The following CC2D2A variants were observed in gnomAD, a reference collection of about 807,000 sequenced individuals.
CC2D2A encodes the protein coiled-coil and C2 domain containing 2A.
CC2D2A carries 155 observed loss-of-function variants against 212.9 expected under a neutral mutation model. That is an observed-to-expected ratio of 0.73 (90% CI 0.64 to 0.83). The LOEUF is 0.83. Among genes scored for constraint, CC2D2A ranks in the 40% least tolerant of loss-of-function variants. The pLI is 0.00. For missense variants in CC2D2A, 1,856 were observed against 1,956.2 expected (o/e 0.95, Z 0.97); for synonymous variants, 667 against 686.5 (o/e 0.97, Z 0.44).
chr4:15,494,224 C>T (rs1189946974), intron 4 of CC2D2A, among the ~76,000 whole-genome samples: 2 of 152,196 alleles, frequency 1.3e-5, no homozygotes, highest in Non-Finnish European at 2.9e-5. Context: ...GGCTGATGAT[C>T]CCCAAGCCTG....
chr4:15,483,566 A>T (rs1714820154), intron 4 of CC2D2A, among the ~76,000 whole-genome samples: 1 of 152,192 alleles, frequency 6.6e-6, no homozygotes, highest in Non-Finnish European at 1.5e-5. Context: ...GGAGTGTCAA[A>T]GAATGTATGG....
chr4:15,491,459 C>T (rs1695498109), intron 4 of CC2D2A, among the ~76,000 whole-genome samples: 1 of 152,188 alleles, frequency 6.6e-6, no homozygotes, highest in Non-Finnish European at 1.5e-5. Flanking sequence ...GGCTGGAGTG[C>T]AGTGGTGCAA....
intron 4 of CC2D2A, among the ~76,000 whole-genome samples, chr4:15,494,421 C>G (rs1007077119): frequency 1.3e-5 from 2 of 152,160 alleles, no homozygotes; most frequent in Non-Finnish European, 2.9e-5. Context: ...AGATAGTGAC[C>G]AGAGAAGTCC....
rs556121535 is a variant in CC2D2A at position 15,590,475 on chromosome 4, A to G, written c.4314+796A>G. 2.0e-5 allele frequency among the ~76,000 whole-genome samples: 3 copies of G among 152,322 alleles called. No homozygotes were observed. The East Asian group carries it at 5.8e-4, about 29-fold the overall frequency. On this transcript the variant is annotated intron_variant, in intron 33 of 36. Coordinates refer to ENST00000424120, the MANE Select transcript of CC2D2A (RefSeq NM_001378615.1). ...GGTTGCAACGAGCTGAGATGGAGCCACTGCATTCCATCCTGGGCAACAGAG... is the reference window on the plus strand; with the variant it reads ...GGTTGCAACGAGCTGAGATGGAGCCGCTGCATTCCATCCTGGGCAACAGAG...
chr4:15,489,357 C>T (rs1560146860), intron 4 of CC2D2A, among the ~76,000 whole-genome samples: 1 of 152,154 alleles, frequency 6.6e-6, no homozygotes, highest in East Asian at 1.9e-4. Context: ...TTAGTGCCCA[C>T]CAGCTGGAGA....
chr4:15,551,523 C>T (rs995624967), intron 18 of CC2D2A, among the ~76,000 whole-genome samples: 2 of 152,120 alleles, frequency 1.3e-5, no homozygotes, highest in African/African-American at 4.8e-5. Context: ...AATTTGTCCT[C>T]CAAGCCATGA....
chr4:15,495,831 C>T (rs1715585125), intron 4 of CC2D2A, among the ~76,000 whole-genome samples: 1 of 152,208 alleles, frequency 6.6e-6, no homozygotes, highest in South Asian at 2.1e-4. Flanking sequence ...AGTGGCGGAA[C>T]TAATTTGCAT....
chr4:15,559,552 C>T (rs539477247), intron 22 of CC2D2A, among the ~76,000 whole-genome samples: 38 of 152,140 alleles, frequency 2.5e-4, no homozygotes, highest in African/African-American at 8.4e-4. Context: ...TGTTGCATTG[C>T]GTTACAATGA....
chr4:15,566,986 T>C (rs574020037), intron 24 of CC2D2A, among the ~76,000 whole-genome samples: 1 of 151,580 alleles, frequency 6.6e-6, no homozygotes, highest in South Asian at 2.1e-4. Flanking sequence ...AAAATTTTTT[T>C]AAAAATAAAA....
At position 15,553,021 on chromosome 4, in the gene CC2D2A, C is replaced by A. The variant is rs190191104; in HGVS notation, c.2339-137C>A. On this transcript the variant is annotated intron_variant, in intron 18 of 36. Coordinates refer to ENST00000424120, the MANE Select transcript of CC2D2A (RefSeq NM_001378615.1). ...CATCACCTGAAGAAATTCAGTGACACTGGCTTGAATCATGTGCTCCATCTT... is the reference window on the plus strand; with the variant it reads ...CATCACCTGAAGAAATTCAGTGACAATGGCTTGAATCATGTGCTCCATCTT... 2.8e-5 allele frequency: 18 copies of A among 654,272 alleles called. No individual in the cohort carries two copies. In the Admixed American group the frequency reaches 6.4e-4, roughly 23 times the overall value. The allele number at this position is 654,272 out of a possible 1,614,324, so 40.5% of individuals were successfully genotyped here.
intron 6 of CC2D2A, among the ~76,000 whole-genome samples, chr4:15,505,571 G>T (rs2109001433): frequency 6.6e-6 from 1 of 152,280 alleles, no homozygotes. Context: ...AGCCAGTGGG[G>T]ATATAGGGGG....
intron 1 of CC2D2A, chr4:15,473,348 G>A (rs1156262210): frequency 6.6e-6 from 1 of 152,182 alleles, no homozygotes; most frequent in Admixed American, 6.5e-5. Context: ...GGAGATCATT[G>A]TATTACGAAT....
At chr4:15,595,953 ACAAAATGTATG>A (rs1324363720) in intron 33 of CC2D2A, 121 bp from the exon 34 acceptor site, 20 of 531,954 alleles carry the variant, frequency 3.8e-5, no homozygotes, top group Non-Finnish European at 5.7e-5. Flanking sequence ...TCAAAAAATG[ACAAAATGTATG>A]CGGCCTATAT....
intron 14 of CC2D2A, among the ~76,000 whole-genome samples, chr4:15,534,193 G>A (rs1718000715): frequency 6.6e-6 from 1 of 152,010 alleles, no homozygotes; most frequent in Admixed American, 6.6e-5. Context: ...ATCTTTTTTG[G>A]TAATTTGTAG....
chr4:15,491,132 T>C (rs1203626162), intron 4 of CC2D2A, among the ~76,000 whole-genome samples: 1 of 152,218 alleles, frequency 6.6e-6, no homozygotes, highest in Non-Finnish European at 1.5e-5. Context: ...CTCTGAGTCA[T>C]ATGATAAACT....
chr4:15,559,823 T>C (rs1174248994), intron 22 of CC2D2A, among the ~76,000 whole-genome samples: 1 of 152,012 alleles, frequency 6.6e-6, no homozygotes, highest in East Asian at 1.9e-4. Context: ...TATTTATTTA[T>C]TTATTTTTAT....
At chr4:15,549,321 C>A (rs1157301919) in intron 17 of CC2D2A, among the ~76,000 whole-genome samples, 1 of 152,174 alleles carries the variant, frequency 6.6e-6, no homozygotes, top group Non-Finnish European at 1.5e-5. Context: ...CACTTACGGG[C>A]TTCCTGCTGA....
chr4:15,492,761 C>T, intron 4 of CC2D2A: 13 of 797,028 alleles, frequency 1.6e-5, no homozygotes, highest in Non-Finnish European at 2.7e-5. Flanking sequence ...AGGTCCACCA[C>T]TCTATTGCTA....
At chr4:15,477,769 G>C (rs1577307660) in intron 2 of CC2D2A, among the ~76,000 whole-genome samples, 1 of 152,094 alleles carries the variant, frequency 6.6e-6, no homozygotes, top group South Asian at 2.1e-4. Flanking sequence ...CTATTCTCTC[G>C]TTCGACCTCA....
Sources: gnomAD v4.1 joint callset for allele counts (sites outside exome capture counted in the v4.1 genomes callset) on GRCh38, gnomAD v4.1.1 for gene constraint, MANE v1.5 for transcripts, NCBI Gene and HGNC (gene_info 2026-07-23, HGNC 2026-07-21) for gene names.